Variants in CCDC3 observed in about 807,000 individuals in gnomAD.
The protein encoded by CCDC3 is coiled-coil domain containing 3.
CCDC3 carries 24 observed loss-of-function variants against 21.4 expected under a neutral mutation model. The observed-to-expected ratio is 1.12, with a 90% CI of 0.81 to 1.58. The LOEUF is 1.58. Among genes scored for constraint, CCDC3 ranks in the 40% most tolerant of loss-of-function variants. CCDC3 has a pLI of 0.00. For synonymous variants in CCDC3, 186 were observed against 166.0 expected, an observed-to-expected ratio of 1.12 and a Z score of -0.93; for missense variants, 425 against 360.9, an observed-to-expected ratio of 1.18 and a Z score of -1.44.
intron 2 of CCDC3, among the ~76,000 whole-genome samples, chr10:12,972,707 CT>C (rs1317840029): frequency 6.6e-6 from 1 of 152,044 alleles, no homozygotes; most frequent in African/African-American, 2.4e-5. Flanking sequence ...ACCCCAGCTA[CT>C]CAGGAGGCTG....
At chr10:13,079,814 C>T (rs752700407) in intron 3 of CCDC3, among the ~76,000 whole-genome samples, 36 of 151,870 alleles carry the variant, frequency 2.4e-4, no homozygotes, top group Non-Finnish European at 3.1e-4. Flanking sequence ...AGAGCAGCAG[C>T]GTGGGTGGCT....
At chr10:13,040,687 T>TCACACACACACACACACA (rs10653974) in intron 5 of CCDC3, among the ~76,000 whole-genome samples, 116 of 142,846 alleles carry the variant, frequency 8.1e-4, no homozygotes, top group South Asian at 2.8e-3. Flanking sequence ...CAAAACTCTG[T>TCACACACACACACACACA]CACACACACA....
chr10:12,899,878 G>C (rs976347873), intron 2 of CCDC3, among the ~76,000 whole-genome samples: 5 of 152,314 alleles, frequency 3.3e-5, no homozygotes, highest in Admixed American at 6.5e-5. Context: ...GTATTTCATA[G>C]GTTTGGCTGT....
intron 3 of CCDC3, among the ~76,000 whole-genome samples, chr10:13,082,951 T>C (rs2131448616): frequency 6.6e-6 from 1 of 152,348 alleles, no homozygotes; most frequent in South Asian, 2.1e-4. Context: ...CTTCTATGTG[T>C]TTTCTTTATT....
chr10:13,051,201 T>C (rs1836603132), intron 4 of CCDC3, among the ~76,000 whole-genome samples: 1 of 152,032 alleles, frequency 6.6e-6, no homozygotes, highest in African/African-American at 2.4e-5. Flanking sequence ...CTCTATTCTA[T>C]CTTATTTATT....
chr10:13,077,585 A>G (rs901024217), intron 3 of CCDC3, among the ~76,000 whole-genome samples: 5 of 152,200 alleles, frequency 3.3e-5, no homozygotes, highest in African/African-American at 1.2e-4. Flanking sequence ...AGCTGGAGGC[A>G]TCACGCTACC....
At chr10:13,036,538 G>T in intron 5 of CCDC3, among the ~76,000 whole-genome samples, 1 of 152,118 alleles carries the variant, frequency 6.6e-6, no homozygotes, top group Non-Finnish European at 1.5e-5. Flanking sequence ...AGGCTGGAGT[G>T]CAGTGGCACG....
Position 12,946,375 on chromosome 10 carries a change from A to C in CCDC3, c.550-47696T>G, listed in dbSNP as rs188948943. 2.9e-3 allele frequency among the ~76,000 whole-genome samples: 444 copies of C among 152,358 alleles called. 4 individuals are homozygous for C. Among genetic ancestry groups the C allele is most frequent in the African/African-American group, 9.8e-3 (407 of 41,578 alleles). On this transcript the variant is annotated intron_variant, in intron 2 of 2. Coordinates refer to ENST00000378825, the MANE Select transcript of CCDC3 (RefSeq NM_031455.4). ...TCTGTACTGTGAGTTTCTACATAAC[A>C]AACTGCACCTTAATTTATTAGTATG...
chr10:13,019,092 G>C (rs371868521), intron 5 of CCDC3, among the ~76,000 whole-genome samples: 40 of 152,218 alleles, frequency 2.6e-4, no homozygotes, highest in Middle Eastern at 3.4e-3. Flanking sequence ...AAATTAGCCG[G>C]GCGTGGTGGC....
At chr10:12,978,927 G>A (rs1835457268) in intron 2 of CCDC3, among the ~76,000 whole-genome samples, 2 of 152,084 alleles carry the variant, frequency 1.3e-5, no homozygotes, top group Admixed American at 6.5e-5. Flanking sequence ...AAAAGGAAAG[G>A]CAACCTTGGG....
intron 5 of CCDC3, among the ~76,000 whole-genome samples, chr10:13,017,658 T>C (rs962751370): frequency 2.6e-5 from 4 of 152,112 alleles, no homozygotes; most frequent in African/African-American, 9.7e-5. Flanking sequence ...CCTGAGCATT[T>C]GACAATATTC....
intron 2 of CCDC3, among the ~76,000 whole-genome samples, chr10:12,984,747 T>C (rs886435457): frequency 6.6e-6 from 1 of 152,164 alleles, no homozygotes; most frequent in African/African-American, 2.4e-5. Flanking sequence ...CATACTACAA[T>C]ATGAACGAAG....
intron 2 of CCDC3, among the ~76,000 whole-genome samples, chr10:12,954,199 T>C (rs568816668): frequency 2.0e-5 from 3 of 152,206 alleles, no homozygotes; most frequent in Non-Finnish European, 4.4e-5. Context: ...GGAGAAATTA[T>C]GCTATGCAAT....
chr10:12,937,310 C>G (rs765642091), intron 2 of CCDC3, among the ~76,000 whole-genome samples: 2 of 152,156 alleles, frequency 1.3e-5, no homozygotes, highest in Non-Finnish European at 2.9e-5. Context: ...AACTGGTGGT[C>G]TCTACCTATT....
chr10:13,073,024 G>A lies in CCDC3; in HGVS notation c.-270+844C>T, dbSNP rs111351072. Among the ~76,000 whole-genome samples, 476 of 151,732 alleles carry A rather than the reference G, an allele frequency of 3.1e-3. 2 individuals carry two copies. The highest frequency in any genetic ancestry group is 0.01 in the African/African-American group (434 of 41,334). On this transcript the variant is annotated intron_variant, in intron 4 of 6. Coordinates refer to the CCDC3 transcript ENST00000378839. Reference sequence around the variant, plus strand: ...TGGGATTACAGGCATGTGCCACCACGCCTGGCTAATTTTTATATTTTTAGT... The same window carrying A: ...TGGGATTACAGGCATGTGCCACCACACCTGGCTAATTTTTATATTTTTAGT...
chr10:13,072,867 CTTTTTT>C (rs144915227), intron 4 of CCDC3, among the ~76,000 whole-genome samples: 2 of 118,020 alleles, frequency 1.7e-5, no homozygotes, highest in Non-Finnish European at 1.7e-5. Flanking sequence ...TCTTTTCTTT[CTTTTTT>C]TTTTTTTTTT....
chr10:13,017,526 A>AAG (rs1246260105), intron 5 of CCDC3, among the ~76,000 whole-genome samples: 1 of 148,842 alleles, frequency 6.7e-6, no homozygotes, highest in Non-Finnish European at 1.5e-5. Context: ...CAAAAAAAAA[A>AAG]AAAAAGAAAA....
At chr10:12,982,995 C>T (rs1312485991) in intron 2 of CCDC3, among the ~76,000 whole-genome samples, 1 of 150,340 alleles carries the variant, frequency 6.7e-6, no homozygotes, top group Non-Finnish European at 1.5e-5. Flanking sequence ...GCCTGTAATC[C>T]CAGCTGCTGA....
chr10:13,062,293 G>A (rs991672188), intron 4 of CCDC3, among the ~76,000 whole-genome samples: 9 of 152,212 alleles, frequency 5.9e-5, no homozygotes, highest in Admixed American at 1.3e-4. Flanking sequence ...CTGACTAACC[G>A]AGTTTCCCTT....
Sources: gnomAD v4.1 joint callset for allele counts (sites outside exome capture counted in the v4.1 genomes callset) on GRCh38, gnomAD v4.1.1 for gene constraint, MANE v1.5 for transcripts, NCBI Gene and HGNC (gene_info 2026-07-23, HGNC 2026-07-21) for gene names.